The following MOB3B variants were observed in gnomAD, a reference collection of about 807,000 sequenced individuals.
The protein encoded by MOB3B is MOB kinase activator-like 2B.
Under a neutral mutation model 18.7 loss-of-function variants are expected in MOB3B, and 7 were observed. The ratio of observed to expected loss-of-function variants is 0.37; its 90% confidence interval spans 0.21 to 0.70. The LOEUF (loss-of-function observed/expected upper bound fraction) is 0.70. MOB3B is among the 30% of genes least tolerant of loss of function. The probability of loss-of-function intolerance (pLI) is 0.52; values close to 1 mark genes in which losing one functional copy is unlikely to be tolerated. For missense variants in MOB3B, 253 were observed against 281.3 expected (o/e 0.90, Z 0.72); for synonymous variants, 111 against 99.9 (o/e 1.11, Z -0.66).
chr9:27,374,000 T>C (rs1821457101), intron 2 of MOB3B, among the ~76,000 whole-genome samples: 1 of 152,212 alleles, frequency 6.6e-6, no homozygotes, highest in Admixed American at 6.5e-5. Context: ...CAGACATCTG[T>C]TTAAACCTGG....
chr9:27,427,870 G>A (rs1408601833), intron 2 of MOB3B, among the ~76,000 whole-genome samples: 1 of 151,976 alleles, frequency 6.6e-6, no homozygotes, highest in Non-Finnish European at 1.5e-5. Flanking sequence ...CCTAGGTCAG[G>A]CTCTCCAGCA....
In MOB3B at chr9:27,336,000, C is replaced by T. The variant is rs887050747; in HGVS notation, c.622-5384G>A. Among the ~76,000 whole-genome samples, 5 of 152,204 alleles carry T rather than the reference C, an allele frequency of 3.3e-5. No homozygotes were observed. In the South Asian group the frequency reaches 6.2e-4, roughly 19 times the overall value. On this transcript the variant is annotated intron_variant, in intron 3 of 3. Coordinates refer to ENST00000262244, the MANE Select transcript of MOB3B (RefSeq NM_024761.5). ...AACTGAAATCCAATGAAAAGGAACA[C>T]TTATTAGGTCTACAGACCCAAGTAA... is the stretch of plus-strand genomic sequence containing the variant.
intron 3 of MOB3B, among the ~76,000 whole-genome samples, chr9:27,344,818 C>T (rs184601992): frequency 1.3e-5 from 2 of 152,374 alleles, no homozygotes; most frequent in East Asian, 3.9e-4. Flanking sequence ...GCACTCTGGT[C>T]CTTTCCACCA....
intron 1 of MOB3B, among the ~76,000 whole-genome samples, chr9:27,473,212 G>A (rs888213738): frequency 4.6e-5 from 7 of 152,208 alleles, no homozygotes; most frequent in African/African-American, 1.7e-4. Flanking sequence ...TTTCTGCAAG[G>A]AATGCAATCC....
chr9:27,425,724 G>A (rs1318665798), intron 2 of MOB3B, among the ~76,000 whole-genome samples: 2 of 145,320 alleles, frequency 1.4e-5, no homozygotes, highest in East Asian at 3.8e-4. Flanking sequence ...TGTCTAAAAG[G>A]GGTCAAGGGT....
chr9:27,522,082 A>T lies in MOB3B; in HGVS notation c.-199+7473T>A, dbSNP rs958811273. ...ATGGTGAAACCCTGTCTCTACTAAA[A>T]TACAAAAAAATTAACGAGACATGGT... On this transcript the variant is annotated intron_variant, in intron 1 of 3. Coordinates refer to ENST00000262244, the MANE Select transcript of MOB3B (RefSeq NM_024761.5). 5.9e-5 allele frequency among the ~76,000 whole-genome samples: 9 copies of T among 151,816 alleles called. No individual in the cohort carries two copies. In the East Asian group the frequency reaches 1.7e-3, roughly 29 times the overall value.
At chr9:27,401,523 T>C (rs1821878927) in intron 2 of MOB3B, among the ~76,000 whole-genome samples, 1 of 152,136 alleles carries the variant, frequency 6.6e-6, no homozygotes, top group South Asian at 2.1e-4. Flanking sequence ...AGATAGATGA[T>C]CTGAAACAGG....
At chr9:27,521,037 G>A (rs1409269855) in intron 1 of MOB3B, among the ~76,000 whole-genome samples, 1 of 152,076 alleles carries the variant, frequency 6.6e-6, no homozygotes. Flanking sequence ...GTCAATATCA[G>A]CATCTATTAA....
At chr9:27,360,395 C>T (rs1813964420) in intron 2 of MOB3B, among the ~76,000 whole-genome samples, 1 of 152,200 alleles carries the variant, frequency 6.6e-6, no homozygotes, top group African/African-American at 2.4e-5. Context: ...ATCCCAGCTA[C>T]TCAGGAGGCT....
intron 2 of MOB3B, among the ~76,000 whole-genome samples, chr9:27,444,312 GAAGA>G (rs1332635455): frequency 1.8e-4 from 27 of 149,754 alleles, no homozygotes; most frequent in Middle Eastern, 3.4e-3. Flanking sequence ...AGAAAGGAAG[GAAGA>G]AAGGAAGGAA....
chr9:27,442,301 A>G (rs557548142), intron 2 of MOB3B, among the ~76,000 whole-genome samples: 1 of 152,348 alleles, frequency 6.6e-6, no homozygotes, highest in South Asian at 2.1e-4. Flanking sequence ...ACTGTTGTTC[A>G]TCTGTCTTAT....
intron 1 of MOB3B, among the ~76,000 whole-genome samples, chr9:27,502,032 CT>C (rs1051411061): frequency 3.3e-4 from 50 of 152,248 alleles, no homozygotes; most frequent in African/African-American, 1.0e-3. Context: ...TTGTCCTTCC[CT>C]TTTTTTGCCA....
chr9:27,343,478 TAA>T (rs779124158), intron 3 of MOB3B, among the ~76,000 whole-genome samples: 95 of 84,304 alleles, frequency 1.1e-3, no homozygotes, highest in Admixed American at 3.1e-3. Context: ...CAATAAATAC[TAA>T]AAAAAAAAAA....
At chr9:27,489,810 A>G (rs1259807359) in intron 1 of MOB3B, among the ~76,000 whole-genome samples, 1 of 146,460 alleles carries the variant, frequency 6.8e-6, no homozygotes, top group African/African-American at 2.5e-5. Flanking sequence ...CCACCTATAC[A>G]AGAATACACA....
chr9:27,504,102 A>C (rs1297250118), intron 1 of MOB3B, among the ~76,000 whole-genome samples: 1 of 152,274 alleles, frequency 6.6e-6, no homozygotes, highest in Non-Finnish European at 1.5e-5. Flanking sequence ...CACAAAGTAC[A>C]AATAGTGCTT....
At position 27,357,144 on chromosome 9, in the gene MOB3B, A is replaced by ATATATATG. The variant is rs1486801059; in HGVS notation, c.621+1889_621+1890insCATATATA. Among the ~76,000 whole-genome samples the ATATATATG allele has an allele frequency of 3.8e-4, 31 of 80,970 alleles. 1 individual carries two copies. The highest frequency in any genetic ancestry group is 1.3e-3 in the African/African-American group (31 of 23,994). 53.1% of individuals were successfully genotyped at this position (80,970 alleles called of 152,430 possible). ...CAAATATATATATATATATATATAT[A>ATATATATG]TGTGTTTTTTTTTTTGCCATATATT... On this transcript the variant is annotated intron_variant, in intron 3 of 3. Transcript: ENST00000262244.
chr9:27,434,886 G>C (rs1167872850), intron 2 of MOB3B, among the ~76,000 whole-genome samples: 1 of 152,094 alleles, frequency 6.6e-6, no homozygotes, highest in Non-Finnish European at 1.5e-5. Flanking sequence ...CCCAAAACAT[G>C]ACTGTAGGAG....
intron 1 of MOB3B, among the ~76,000 whole-genome samples, chr9:27,495,101 G>A (rs564811557): frequency 6.6e-6 from 1 of 152,186 alleles, no homozygotes; most frequent in South Asian, 2.1e-4. Context: ...GGCTGAGGTG[G>A]GAGGATCACT....
At chr9:27,357,121 A>AATAT (rs56064443) in intron 3 of MOB3B, among the ~76,000 whole-genome samples, 3,193 of 62,786 alleles carry the variant, frequency 0.051, 463 homozygotes, top group Middle Eastern at 0.078. Context: ...GAGTAATGCA[A>AATAT]ATATATATAT....
Sources: gnomAD v4.1 joint callset for allele counts (sites outside exome capture counted in the v4.1 genomes callset) on GRCh38, gnomAD v4.1.1 for gene constraint, MANE v1.5 for transcripts, NCBI Gene and HGNC (gene_info 2026-07-23, HGNC 2026-07-21) for gene names.